SEZ6L: variants seen among roughly 807,000 people sequenced by gnomAD.
SEZ6L encodes the protein seizure 6-like protein.
SEZ6L carries 37 observed loss-of-function variants against 106.2 expected under a neutral mutation model. That is an observed-to-expected ratio of 0.35 (90% CI 0.27 to 0.46). The LOEUF is 0.46. SEZ6L is among the 20% of genes least tolerant of loss of function. SEZ6L has a pLI of 1.00. For synonymous variants in SEZ6L, 541 were observed against 570.4 expected, an observed-to-expected ratio of 0.95 and a Z score of 0.73; for missense variants, 1,172 against 1,332.8, an observed-to-expected ratio of 0.88 and a Z score of 1.88.
At chr22:26,368,789 T>A (rs1182930396) in intron 13 of SEZ6L, among the ~76,000 whole-genome samples, 1 of 152,068 alleles carries the variant, frequency 6.6e-6, no homozygotes, top group Non-Finnish European at 1.5e-5. Flanking sequence ...TTAAGTCTTA[T>A]GACCACTGTC....
rs942481100 is a variant in SEZ6L, at chr22:26,320,366, G to C, written c.2015+6464G>C. 4.6e-5 allele frequency among the ~76,000 whole-genome samples: 7 copies of C among 152,084 alleles called. No homozygotes were observed. The East Asian group carries it at 1.3e-3, about 29-fold the overall frequency. ...GACAGGCTCAGAATGGGGCCAATAA[G>C]GGGGGGCATCGCCCTCCCCAAGGCA... On this transcript the variant is annotated intron_variant, in intron 9 of 16. Coordinates refer to ENST00000248933, the MANE Select transcript of SEZ6L (RefSeq NM_021115.5).
chr22:26,339,947 A>G (rs1184909202), intron 9 of SEZ6L, among the ~76,000 whole-genome samples: 1 of 152,130 alleles, frequency 6.6e-6, no homozygotes, highest in Non-Finnish European at 1.5e-5. Flanking sequence ...CAAAAACCCA[A>G]CTGACGGCCG....
At chr22:26,245,142 GA>G (rs1437429225) in intron 1 of SEZ6L, among the ~76,000 whole-genome samples, 7 of 152,144 alleles carry the variant, frequency 4.6e-5, no homozygotes, top group Non-Finnish European at 8.8e-5. Context: ...GGAGGTGAGG[GA>G]TGGAGCATCA....
chr22:26,272,582 G>A (rs895979616), intron 1 of SEZ6L, among the ~76,000 whole-genome samples: 24 of 152,340 alleles, frequency 1.6e-4, no homozygotes, highest in African/African-American at 5.5e-4. Context: ...CCTCAGAAAG[G>A]TGGGGGTGCC....
intron 12 of SEZ6L, among the ~76,000 whole-genome samples, chr22:26,355,100 T>C (rs2083400667): frequency 1.3e-5 from 2 of 152,222 alleles, no homozygotes; most frequent in South Asian, 4.1e-4. Context: ...TTTGAAACGT[T>C]TTGTCGACTG....
At position 26,369,806 on chromosome 22, in the gene SEZ6L, G is replaced by A. The variant is rs970399432; in HGVS notation, c.2795-3645G>A. Among the ~76,000 whole-genome samples the A allele has an allele frequency of 5.3e-5, 8 of 151,658 alleles. No individual in the cohort carries two copies. In the East Asian group the frequency reaches 1.6e-3, roughly 30 times the overall value. ...TTATTTGTGTATTTTTAATAGAGAC[G>A]GAGTTTTGTCATTTTGCCCAAGCTG... On this transcript the variant is annotated intron_variant, in intron 13 of 16. Transcript: ENST00000248933.
At chr22:26,222,659 A>G (rs1381635639) in intron 1 of SEZ6L, among the ~76,000 whole-genome samples, 3 of 152,210 alleles carry the variant, frequency 2.0e-5, no homozygotes, top group Non-Finnish European at 4.4e-5. Context: ...AAATCTCAAT[A>G]TCATAGGGAA....
intron 1 of SEZ6L, among the ~76,000 whole-genome samples, chr22:26,202,153 A>G (rs1940998235): frequency 6.6e-6 from 1 of 152,174 alleles, no homozygotes; most frequent in Non-Finnish European, 1.5e-5. Flanking sequence ...TGATCTCGTG[A>G]TCCACCTGCC....
intron 1 of SEZ6L, among the ~76,000 whole-genome samples, chr22:26,279,731 C>T (rs908769183): frequency 2.0e-5 from 3 of 152,272 alleles, no homozygotes; most frequent in South Asian, 2.1e-4. Context: ...CTTCTGGAAA[C>T]GTCATCAGCT....
chr22:26,348,620 GAA>G (rs1491459459), intron 11 of SEZ6L, among the ~76,000 whole-genome samples: 2 of 25,132 alleles, frequency 8.0e-5, no homozygotes, highest in East Asian at 1.9e-3. Flanking sequence ...GAAAAAGAAA[GAA>G]AGAAAGAAAG....
chr22:26,253,931 C>A (rs182964997), intron 1 of SEZ6L: 8 of 152,038 alleles, frequency 5.3e-5, no homozygotes, highest in Non-Finnish European at 8.8e-5. Context: ...AAAATCTGGA[C>A]GACAAAACAC....
intron 1 of SEZ6L, among the ~76,000 whole-genome samples, chr22:26,268,431 G>A (rs2080257661): frequency 6.6e-6 from 1 of 152,176 alleles, no homozygotes; most frequent in Non-Finnish European, 1.5e-5. Context: ...TCACACAACT[G>A]TTAAATTAGC....
chr22:26,280,068 A>G (rs1380445942), intron 1 of SEZ6L, among the ~76,000 whole-genome samples: 1 of 152,062 alleles, frequency 6.6e-6, no homozygotes, highest in African/African-American at 2.4e-5. Context: ...CCTCATTTCT[A>G]CTCTGCTGAG....
intron 1 of SEZ6L, among the ~76,000 whole-genome samples, chr22:26,187,142 G>C (rs916475560): frequency 1.3e-5 from 2 of 152,178 alleles, no homozygotes; most frequent in South Asian, 4.1e-4. Flanking sequence ...AGAGGTAATT[G>C]ACTCACAGTT....
chr22:26,317,518 A>G (rs959317812), intron 9 of SEZ6L, among the ~76,000 whole-genome samples: 1 of 151,948 alleles, frequency 6.6e-6, no homozygotes, highest in African/African-American at 2.4e-5. Context: ...CCAGAGGTCT[A>G]GAGGAGGAAA....
chr22:26,196,375 A>C (rs76245266), intron 1 of SEZ6L, among the ~76,000 whole-genome samples: 1,872 of 152,308 alleles, frequency 0.012, 22 homozygotes, highest in Non-Finnish European at 0.019. Context: ...ACCCAGTCTC[A>C]GGTATTTTTG....
At chr22:26,181,868 A>C (rs762256252) in intron 1 of SEZ6L, among the ~76,000 whole-genome samples, 3 of 152,244 alleles carry the variant, frequency 2.0e-5, no homozygotes, top group African/African-American at 7.2e-5. Flanking sequence ...TAAAAAATGC[A>C]TATCATTGTG....
chr22:26,254,073 C>T (rs976413189), intron 1 of SEZ6L: 1 of 152,120 alleles, frequency 6.6e-6, no homozygotes, highest in African/African-American at 2.4e-5. Context: ...CACATTACAC[C>T]AACTAAATTA....
At chr22:26,247,817 A>C (rs1003735492) in intron 1 of SEZ6L, among the ~76,000 whole-genome samples, 1 of 152,202 alleles carries the variant, frequency 6.6e-6, no homozygotes, top group African/African-American at 2.4e-5. Context: ...CGGAAATCTC[A>C]CATCTCACTA....
Sources: allele counts gnomAD v4.1 joint callset (sites outside exome capture counted in the v4.1 genomes callset), GRCh38; gene constraint gnomAD v4.1.1; transcripts MANE v1.5; gene names NCBI Gene and HGNC (gene_info 2026-07-23, HGNC 2026-07-21).